The following HTR3B variants were observed in gnomAD, a reference collection of about 807,000 sequenced individuals.
HTR3B encodes the protein 5-hydroxytryptamine (serotonin) receptor 3B, ionotropic.
In HTR3B, 44 loss-of-function variants were observed where a neutral mutation model predicts 42.8. The ratio of observed to expected loss-of-function variants is 1.03; its 90% CI spans 0.81 to 1.32. The LOEUF (loss-of-function observed/expected upper bound fraction) is 1.32. HTR3B is among the 40% of genes most tolerant of loss of function. The pLI, the probability that HTR3B is intolerant of heterozygous loss-of-function variation, is 0.00. For synonymous variants in HTR3B, 203 were observed against 209.0 expected (o/e 0.97, Z 0.25); for missense variants, 527 against 536.5 (o/e 0.98, Z 0.17).
At chr11:113,920,852 G>A (rs576696098) in intron 2 of HTR3B, among the ~76,000 whole-genome samples, 1 of 150,858 alleles carries the variant, frequency 6.6e-6, no homozygotes, top group East Asian at 2.0e-4. Flanking sequence ...TCACTCTGTC[G>A]CCCAGTCTGG....
At chr11:113,919,830 AAAC>A (rs149081128) in intron 2 of HTR3B, among the ~76,000 whole-genome samples, 9,491 of 148,810 alleles carry the variant, frequency 0.064, 717 homozygotes, top group African/African-American at 0.18. Flanking sequence ...CTCCATCTCA[AAAC>A]AACAACAACA....
At chr11:113,918,279 G>GTA (rs897740547) in intron 2 of HTR3B, among the ~76,000 whole-genome samples, 3 of 151,404 alleles carry the variant, frequency 2.0e-5, no homozygotes, top group Non-Finnish European at 4.4e-5. Flanking sequence ...GTGTGTGTGT[G>GTA]TGTGTGTGTG....
rs193264050 is a variant in HTR3B at position 113,920,851 on chromosome 11, C to T, written c.214-10533C>T. Reference sequence around the variant, plus strand: ...TTTTTGAGACAGAGTCTCACTCTGTCGCCCAGTCTGGAGTGCACTGGTGCA... The same window carrying T: ...TTTTTGAGACAGAGTCTCACTCTGTTGCCCAGTCTGGAGTGCACTGGTGCA... On this transcript the variant is annotated intron_variant, in intron 2 of 8. Transcript: ENST00000260191. Among the ~76,000 whole-genome samples the T allele has an allele frequency of 8.8e-3, 1,338 of 152,112 alleles. 12 individuals carry two copies. Among genetic ancestry groups the T allele is most frequent in the Non-Finnish European group, 0.014 (937 of 67,994 alleles).
In HTR3B at chr11:113,924,024, G is replaced by A. The variant is rs114200398; in HGVS notation, c.214-7360G>A. On this transcript the variant is annotated intron_variant, in intron 2 of 8. Transcript: ENST00000260191. The stretch of plus-strand genomic sequence containing the variant: ...GAAGAATCAACTGAATAAAATGATA[G>A]TGAAATGAAACATGAAAACAGAGAC... Among the ~76,000 whole-genome samples the A allele has an allele frequency of 2.2e-3, 334 of 152,244 alleles. 2 individuals carry two copies. The highest frequency in any genetic ancestry group is 7.5e-3 in the African/African-American group (312 of 41,544).
Position 113,932,297 on chromosome 11 carries a change from T to C in HTR3B, c.377T>C (p.Ile126Thr), listed in dbSNP as rs1339311562. The change falls in exon 5 of 9, where the codon ATT becomes ACT. Residue 126 changes from isoleucine to threonine, a missense_variant. Ile to Thr is a moderately conservative substitution (Grantham distance 89, BLOSUM62 -1). Coordinates refer to ENST00000260191, the MANE Select transcript of HTR3B (RefSeq NM_006028.5). ...TCTTGTGTTTCATATAGTGTGGACA[T>C]TGAAAGATACCCTGACCTTCCCTAT... is the stretch of plus-strand genomic sequence containing the variant. ...PDIIINEFVD[I>T]ERYPDLPYVY... 2 of 1,611,850 alleles carry C rather than the reference T, an allele frequency of 1.2e-6. No homozygotes were observed. Among genetic ancestry groups the C allele is most frequent in the South Asian group, 1.1e-5 (1 of 90,890 alleles).
intron 2 of HTR3B, among the ~76,000 whole-genome samples, chr11:113,926,535 T>TTCCTTTCCTTTCC: frequency 6.7e-6 from 1 of 149,852 alleles, no homozygotes; most frequent in Non-Finnish European, 1.5e-5. Context: ...TTCCTTTCCT[T>TTCCTTTCCTTTCC]TTTTTCTTTT....
At chr11:113,936,237 G>A (rs1444092740) in intron 6 of HTR3B, among the ~76,000 whole-genome samples, 1 of 151,984 alleles carries the variant, frequency 6.6e-6, no homozygotes, top group Admixed American at 6.6e-5. Context: ...AGTGGGAGGA[G>A]GTAGGAATAC....
At chr11:113,936,020 A>G (rs775950938) in intron 6 of HTR3B, among the ~76,000 whole-genome samples, 6 of 152,130 alleles carry the variant, frequency 3.9e-5, no homozygotes, top group Non-Finnish European at 5.9e-5. Flanking sequence ...GAGTCAGGCT[A>G]CATTCCACAG....
At chr11:113,944,779 T>TC in intron 8 of HTR3B, 24 bp downstream of exon 8, 1 of 1,607,884 alleles carries the variant, frequency 6.2e-7, no homozygotes, top group Non-Finnish European at 8.5e-7. Flanking sequence ...CTTGTGTTTC[T>TC]CCCCCGTCTG....
intron 2 of HTR3B, among the ~76,000 whole-genome samples, chr11:113,913,794 G>A (rs957141746): frequency 2.0e-5 from 3 of 152,184 alleles, no homozygotes; most frequent in African/African-American, 7.2e-5. Context: ...GATTACAGGA[G>A]TGAGCCACCA....
In HTR3B at chr11:113,943,124, G is replaced by T; in HGVS notation, c.839G>T (p.Gly280Val). The T allele has an allele frequency of 6.2e-7, 1 of 1,614,080 alleles. No homozygotes were observed. The highest frequency in any genetic ancestry group is 8.5e-7 in the Non-Finnish European group (1 of 1,180,002). The change falls in exon 7 of 9, where the codon GGC becomes GTC. Residue 280 changes from glycine (G) to valine (V), a missense_variant. Physicochemically the swap from Gly to Val is moderately radical, Grantham distance 109. Coordinates refer to ENST00000260191, the MANE Select transcript of HTR3B (RefSeq NM_006028.5). ...RIVFKTSVLV[G>V]YTVFRVNMSN... ...GTGTTCAAGACCAGTGTGCTGGTGGGCTACACCGTCTTCAGGGTCAACATG... is the reference window on the plus strand; with the variant it reads ...GTGTTCAAGACCAGTGTGCTGGTGGTCTACACCGTCTTCAGGGTCAACATG...
chr11:113,941,914 C>T (rs1950138121), intron 6 of HTR3B, among the ~76,000 whole-genome samples: 1 of 152,172 alleles, frequency 6.6e-6, no homozygotes, highest in Non-Finnish European at 1.5e-5. Context: ...TGCCCGCCAT[C>T]TTGTGGTTTC....
chr11:113,917,322 G>A (rs1410172782), intron 2 of HTR3B, among the ~76,000 whole-genome samples: 3 of 151,848 alleles, frequency 2.0e-5, no homozygotes, highest in Admixed American at 6.6e-5. Context: ...TATTAGAGAC[G>A]GGGTTTCACC....
chr11:113,911,376 A>G (rs12271143), intron 2 of HTR3B, among the ~76,000 whole-genome samples: 5,631 of 148,866 alleles, frequency 0.038, 310 homozygotes, highest in African/African-American at 0.13. Flanking sequence ...GATTACAGGC[A>G]TGCGCCACCA....
chr11:113,908,319 C>T (rs1949749608), intron 1 of HTR3B, among the ~76,000 whole-genome samples: 3 of 152,164 alleles, frequency 2.0e-5, no homozygotes, highest in Non-Finnish European at 4.4e-5. Flanking sequence ...TTACAGTTTC[C>T]TGCTGGATCC....
intron 2 of HTR3B, among the ~76,000 whole-genome samples, chr11:113,912,520 G>A (rs1379021050): frequency 6.6e-6 from 1 of 152,238 alleles, no homozygotes; most frequent in Non-Finnish European, 1.5e-5. Flanking sequence ...TGGGATTACA[G>A]GCGTGAGCCA....
Position 113,931,808 on chromosome 11 carries a change from T to A in HTR3B, c.309T>A (p.Ile103=). ...LSWNSSMFDE[I]REISLPLSAI... ...GGAACTCCAGCATGTTTGATGAGATTAGAGAGATCTCCCTACCTCTAAGTG... is the reference window on the plus strand; with the variant it reads ...GGAACTCCAGCATGTTTGATGAGATAAGAGAGATCTCCCTACCTCTAAGTG... The change falls in exon 4 of 9, where the codon ATT becomes ATA. Residue 103 remains isoleucine, a synonymous_variant. Coordinates refer to ENST00000260191, the MANE Select transcript of HTR3B (RefSeq NM_006028.5). The A allele has an allele frequency of 6.2e-7, 1 of 1,613,032 alleles. No homozygotes were observed. The highest frequency in any genetic ancestry group is 8.5e-7 in the Non-Finnish European group (1 of 1,178,950).
chr11:113,914,683 A>G (rs551335134), intron 2 of HTR3B, among the ~76,000 whole-genome samples: 1 of 151,916 alleles, frequency 6.6e-6, no homozygotes, highest in African/African-American at 2.4e-5. Flanking sequence ...TAATTAATAT[A>G]TATTACACGT....
intron 2 of HTR3B, among the ~76,000 whole-genome samples, chr11:113,923,782 C>T (rs1165487211): frequency 6.6e-6 from 1 of 152,184 alleles, no homozygotes; most frequent in Admixed American, 6.6e-5. Flanking sequence ...TGTTCACCAG[C>T]TGGCATTGAG....
Sources: allele counts gnomAD v4.1 joint callset (sites outside exome capture counted in the v4.1 genomes callset), GRCh38; gene constraint gnomAD v4.1.1; transcripts MANE v1.5; gene names NCBI Gene and HGNC (gene_info 2026-07-23, HGNC 2026-07-21).